Variants in BCAS3 observed in about 807,000 individuals in gnomAD.
The protein encoded by BCAS3 is BCAS4/BCAS3 fusion.
Under a neutral mutation model 116.1 loss-of-function variants are expected in BCAS3, and 53 were observed. The ratio of observed to expected loss-of-function variants is 0.46; its 90% CI spans 0.37 to 0.57. The LOEUF (loss-of-function observed/expected upper bound fraction) is 0.57, where lower values mean the gene tolerates loss of function less well. Among genes scored for constraint, BCAS3 ranks in the 20% least tolerant of loss-of-function variants. The pLI is 0.00. For missense variants in BCAS3, 917 were observed against 1,165.4 expected (o/e 0.79, Z 3.10); for synonymous variants, 391 against 408.2 (o/e 0.96, Z 0.51).
chr17:60,929,904 A>AT (rs557148838), intron 13 of BCAS3, among the ~76,000 whole-genome samples: 5,826 of 151,780 alleles, frequency 0.038, 425 homozygotes, highest in African/African-American at 0.13. Flanking sequence ...TGAACTCATC[A>AT]TTTTTTATGG....
At chr17:60,866,042 A>T (rs1473186684) in intron 7 of BCAS3, among the ~76,000 whole-genome samples, 1 of 152,130 alleles carries the variant, frequency 6.6e-6, no homozygotes, top group East Asian at 1.9e-4. Context: ...GAATATGGTG[A>T]ATTACATTAA....
chr17:60,881,262 CCG>C (rs2056117305), intron 9 of BCAS3, among the ~76,000 whole-genome samples: 1 of 152,162 alleles, frequency 6.6e-6, no homozygotes, highest in Non-Finnish European at 1.5e-5. Flanking sequence ...GCGTGAGCCA[CCG>C]CACCTGGCCT....
At chr17:60,715,132 C>CT (rs200488032) in intron 5 of BCAS3, among the ~76,000 whole-genome samples, 4,758 of 125,360 alleles carry the variant, frequency 0.038, 154 homozygotes, top group Middle Eastern at 0.094. Context: ...CTTTCTCTTT[C>CT]TTTTTTTTTT....
At chr17:60,920,775 C>G (rs934639741) in intron 12 of BCAS3, among the ~76,000 whole-genome samples, 3 of 152,016 alleles carry the variant, frequency 2.0e-5, no homozygotes, top group African/African-American at 7.2e-5. Flanking sequence ...GAGGCTGAGG[C>G]AGGAGAATCG....
chr17:61,033,451 A>G (rs1004627924), intron 16 of BCAS3, among the ~76,000 whole-genome samples: 1 of 152,180 alleles, frequency 6.6e-6, no homozygotes, highest in African/African-American at 2.4e-5. Flanking sequence ...TAGTAGTCTG[A>G]GCTCTGAGAG....
rs1051902172 is a variant in BCAS3 at position 61,118,821 on chromosome 17, C to A, written c.2425+34257C>A. The stretch of plus-strand genomic sequence containing the variant: ...CCTTTACCAATATGGGGACTAACTT[C>A]GCAGGATTCTGGTGCTGATATTTGA... On this transcript the variant is annotated intron_variant, in intron 22 of 23. Transcript: ENST00000407086. The surrounding 1 kb of genome is among the most constrained non-coding windows in gnomAD (Gnocchi z 5.0). 8.6e-5 allele frequency among the ~76,000 whole-genome samples: 13 copies of A among 151,870 alleles called. No individual in the cohort carries two copies. The highest frequency in any genetic ancestry group is 1.3e-4 in the Non-Finnish European group (9 of 67,998).
intron 7 of BCAS3, among the ~76,000 whole-genome samples, chr17:60,867,485 G>T (rs2054714436): frequency 6.6e-6 from 1 of 152,014 alleles, no homozygotes; most frequent in Non-Finnish European, 1.5e-5. Context: ...TTCCAAGATA[G>T]TCAATAGTTT....
At chr17:60,985,642 T>C (rs976302240) in intron 14 of BCAS3, among the ~76,000 whole-genome samples, 1 of 152,076 alleles carries the variant, frequency 6.6e-6, no homozygotes, top group African/African-American at 2.4e-5. Context: ...TCGTACCCAT[T>C]AGCCATCCCT....
Position 61,276,687 on chromosome 17 carries a change from T to A in BCAS3, c.2426-91640T>A, listed in dbSNP as rs1288893689. ...ATCTCTATCAAATAAGCTGACTTATTTGCAGAAATTGACAAGCTGATCCTA... is the reference window on the plus strand; with the variant it reads ...ATCTCTATCAAATAAGCTGACTTATATGCAGAAATTGACAAGCTGATCCTA... On this transcript the variant is annotated intron_variant, in intron 22 of 23. Coordinates refer to ENST00000407086, the MANE Select transcript of BCAS3 (RefSeq NM_017679.5). This position sits in a 1 kb window ranked among gnomAD's most constrained non-coding sequence, Gnocchi z 4.2. 1.3e-5 allele frequency among the ~76,000 whole-genome samples: 2 copies of A among 152,178 alleles called. No homozygotes were observed. The highest frequency in any genetic ancestry group is 2.9e-5 in the Non-Finnish European group (2 of 68,032).
At chr17:61,143,407 C>A (rs931169867) in intron 22 of BCAS3, among the ~76,000 whole-genome samples, 2 of 152,034 alleles carry the variant, frequency 1.3e-5, no homozygotes, top group Non-Finnish European at 2.9e-5. Context: ...TTACTTCCCA[C>A]AAATGTAGAA....
chr17:60,904,789 C>T (rs2058100335), intron 11 of BCAS3, among the ~76,000 whole-genome samples: 1 of 152,146 alleles, frequency 6.6e-6, no homozygotes, highest in Admixed American at 6.5e-5. Flanking sequence ...GCCATGATTG[C>T]GTCACTGCAA....
intron 13 of BCAS3, among the ~76,000 whole-genome samples, chr17:60,945,171 A>T (rs1044549370): frequency 3.9e-5 from 6 of 152,220 alleles, no homozygotes; most frequent in African/African-American, 1.4e-4. Context: ...TGATCATTTT[A>T]AAAAATATTA....
At chr17:60,983,123 C>T (rs189257672) in intron 14 of BCAS3, among the ~76,000 whole-genome samples, 209 of 152,244 alleles carry the variant, frequency 1.4e-3, no homozygotes, top group Non-Finnish European at 2.4e-3. Flanking sequence ...TTTGTTACCA[C>T]GGTTGCCTAA....
At chr17:60,760,510 T>A (rs1418414580) in intron 6 of BCAS3, among the ~76,000 whole-genome samples, 4 of 148,372 alleles carry the variant, frequency 2.7e-5, no homozygotes, top group Admixed American at 6.7e-5. Context: ...TTTTTTTTTT[T>A]AAATTTTAGC....
chr17:61,319,617 TA>T (rs1456873887), intron 22 of BCAS3, among the ~76,000 whole-genome samples: 10 of 151,868 alleles, frequency 6.6e-5, no homozygotes, highest in African/African-American at 2.4e-4. Flanking sequence ...CCAGGCCATC[TA>T]GGTCTGTTTA....
At chr17:60,931,452 T>C (rs775651554) in intron 13 of BCAS3, among the ~76,000 whole-genome samples, 1 of 151,988 alleles carries the variant, frequency 6.6e-6, no homozygotes, top group Non-Finnish European at 1.5e-5. Flanking sequence ...ATTTTTTGTA[T>C]TTTTAGTAGC....
At chr17:60,891,179 C>A (rs1375745127) in intron 10 of BCAS3, among the ~76,000 whole-genome samples, 1 of 152,184 alleles carries the variant, frequency 6.6e-6, no homozygotes, top group Non-Finnish European at 1.5e-5. Context: ...ATCTGTAAAG[C>A]ATTTCCCTTG....
chr17:61,293,994 C>T (rs999715396), intron 22 of BCAS3, among the ~76,000 whole-genome samples: 3 of 152,138 alleles, frequency 2.0e-5, no homozygotes, highest in African/African-American at 7.2e-5. Context: ...AACTCCTGAC[C>T]TCAAGGGATC....
rs1001801684 is a variant in BCAS3, at chr17:61,106,886, T to C, written c.2425+22322T>C. Reference sequence around the variant, plus strand: ...TATAAATCTTTGTTGTTATCTGTGATTATTTGTTTAGGATAAATTCCCAGA... The same window carrying C: ...TATAAATCTTTGTTGTTATCTGTGACTATTTGTTTAGGATAAATTCCCAGA... On this transcript the variant is annotated intron_variant, in intron 22 of 23. Coordinates refer to ENST00000407086, the MANE Select transcript of BCAS3 (RefSeq NM_017679.5). The surrounding 1 kb of genome is among the most constrained non-coding windows in gnomAD (Gnocchi z 4.2). 6.6e-6 allele frequency among the ~76,000 whole-genome samples: 1 copy of C among 152,282 alleles called. No individual in the cohort carries two copies. The highest frequency in any genetic ancestry group is 6.5e-5 in the Admixed American group (1 of 15,296).
Sources: allele counts gnomAD v4.1 joint callset (sites outside exome capture counted in the v4.1 genomes callset), GRCh38; gene constraint gnomAD v4.1.1; non-coding constraint Gnocchi (gnomAD v3.1); transcripts MANE v1.5; gene names NCBI Gene and HGNC (gene_info 2026-07-23, HGNC 2026-07-21).